Variants in PLPPR5 observed in about 807,000 individuals in gnomAD.
The protein encoded by PLPPR5 is phospholipid phosphatase related 5.
A neutral mutation model predicts 33.9 loss-of-function variants in PLPPR5; 16 were observed. The ratio of observed to expected loss-of-function variants is 0.47; its 90% CI spans 0.32 to 0.72. The LOEUF (loss-of-function observed/expected upper bound fraction) is 0.72, where lower values mean the gene tolerates loss of function less well. PLPPR5 is among the 30% of genes least tolerant of loss of function. The pLI is 0.03. For synonymous variants in PLPPR5, 163 were observed against 150.3 expected (o/e 1.08, Z -0.62); for missense variants, 301 against 406.7 (o/e 0.74, Z 2.23).
chr1:98,983,163 T>G (rs2100753763), intron 1 of PLPPR5, among the ~76,000 whole-genome samples: 1 of 151,570 alleles, frequency 6.6e-6, no homozygotes, highest in African/African-American at 2.4e-5. Flanking sequence ...TGTCAACATG[T>G]GCCATGCTGG....
At chr1:98,940,254 T>C (rs1355533885) in intron 3 of PLPPR5, among the ~76,000 whole-genome samples, 1 of 151,790 alleles carries the variant, frequency 6.6e-6, no homozygotes, top group African/African-American at 2.4e-5. Context: ...CTATGTGGCT[T>C]GCAGATGCTG....
chr1:98,940,702 C>A (rs1262032738), intron 3 of PLPPR5, among the ~76,000 whole-genome samples: 1 of 151,766 alleles, frequency 6.6e-6, no homozygotes, highest in African/African-American at 2.4e-5. Flanking sequence ...TGGAGATGAT[C>A]CTGCAATAGT....
Position 98,892,678 on chromosome 1 carries a change from A to C in PLPPR5, c.*394T>G, listed in dbSNP as rs139134720. The stretch of plus-strand genomic sequence containing the variant: ...ACTGCTGAATAGATATATGAAGATT[A>C]AAAAAATAACTAGCCCAAAATAGAA... On this transcript the variant is annotated 3_prime_UTR_variant, in exon 6 of 6. Transcript: ENST00000263177. The C allele has an allele frequency of 9.8e-4, 166 of 170,102 alleles. 3 individuals carry two copies. The East Asian group carries it at 0.024, about 25-fold the overall frequency. The allele number at this position is 170,102 out of a possible 1,614,324, so 10.5% of individuals were successfully genotyped here.
chr1:98,965,227 C>T (rs1651394892), intron 1 of PLPPR5, among the ~76,000 whole-genome samples: 2 of 152,252 alleles, frequency 1.3e-5, no homozygotes, highest in African/African-American at 2.4e-5. Context: ...AAGAGATCTG[C>T]TCCTGAACCC....
intron 5 of PLPPR5, 131 bp from the exon 6 acceptor site, chr1:98,893,235 A>C: frequency 1.5e-4 from 109 of 721,462 alleles, no homozygotes; most frequent in Non-Finnish European, 8.6e-6. Flanking sequence ...CAGCATTATT[A>C]AACTAAGTTT....
intron 3 of PLPPR5, among the ~76,000 whole-genome samples, chr1:98,945,052 T>C (rs763939645): frequency 1.3e-5 from 2 of 152,190 alleles, no homozygotes; most frequent in Non-Finnish European, 2.9e-5. Context: ...TTACCTACCA[T>C]GGAGTTCTAC....
chr1:98,975,287 T>C (rs1304295375), intron 1 of PLPPR5, among the ~76,000 whole-genome samples: 1 of 152,106 alleles, frequency 6.6e-6, no homozygotes. Flanking sequence ...TAGGTTTTTG[T>C]GTCCAATCCC....
chr1:98,981,497 C>CA (rs1652063269), intron 1 of PLPPR5, among the ~76,000 whole-genome samples: 1 of 151,996 alleles, frequency 6.6e-6, no homozygotes, highest in Non-Finnish European at 1.5e-5. Context: ...CCTTCTCTTT[C>CA]ATGATTGCCT....
chr1:98,978,307 A>G (rs764786181), intron 1 of PLPPR5, among the ~76,000 whole-genome samples: 3 of 152,014 alleles, frequency 2.0e-5, no homozygotes, highest in African/African-American at 7.2e-5. Flanking sequence ...CTACATTTTC[A>G]ATTGGTCTCG....
intron 3 of PLPPR5, among the ~76,000 whole-genome samples, chr1:98,945,043 T>C (rs1381406752): frequency 1.3e-5 from 2 of 152,218 alleles, no homozygotes; most frequent in East Asian, 3.9e-4. Flanking sequence ...AAAGTGATAT[T>C]ACCTACCATG....
At chr1:98,937,755 T>G (rs563782291) in intron 3 of PLPPR5, among the ~76,000 whole-genome samples, 24 of 152,354 alleles carry the variant, frequency 1.6e-4, no homozygotes, top group African/African-American at 5.8e-4. Context: ...TTTGCCTTTT[T>G]CACATATCTG....
At chr1:98,943,808 G>A (rs1395826073) in intron 3 of PLPPR5, among the ~76,000 whole-genome samples, 1 of 152,196 alleles carries the variant, frequency 6.6e-6, no homozygotes, top group African/African-American at 2.4e-5. Flanking sequence ...GATCCTGAAG[G>A]ATAAGTGTAG....
At chr1:98,895,760 T>G (rs941468984) in intron 5 of PLPPR5, among the ~76,000 whole-genome samples, 1 of 152,042 alleles carries the variant, frequency 6.6e-6, no homozygotes, top group Admixed American at 6.6e-5. Flanking sequence ...GCTTTCATTT[T>G]TTTCTATTTG....
At chr1:98,954,089 A>C (rs1336122006) in intron 2 of PLPPR5, among the ~76,000 whole-genome samples, 2 of 152,194 alleles carry the variant, frequency 1.3e-5, no homozygotes, top group African/African-American at 4.8e-5. Flanking sequence ...TATAGAACTA[A>C]GTGTGTAGAT....
chr1:98,954,490 C>T (rs1444218283), intron 2 of PLPPR5, among the ~76,000 whole-genome samples: 2 of 151,992 alleles, frequency 1.3e-5, no homozygotes, highest in Admixed American at 6.6e-5. Flanking sequence ...TAGTATATCA[C>T]CATAAAAGTT....
rs74587454 is a variant in PLPPR5 at position 99,002,592 on chromosome 1, T to C, written c.237+1843A>G. ...GACTATGACTATTCGGTACCCAAAA[T>C]AGAGTAGGCACTAAATAGTGACTAA... On this transcript the variant is annotated intron_variant, in intron 1 of 5. Transcript: ENST00000263177. Among the ~76,000 whole-genome samples, 1,072 of 152,204 alleles carry C rather than the reference T, an allele frequency of 7.0e-3. 52 individuals carry two copies. In the East Asian group the frequency reaches 0.14, roughly 20 times the overall value.
rs140477396 is a variant in PLPPR5 at position 98,925,576 on chromosome 1, T to C, written c.622-3518A>G. Among the ~76,000 whole-genome samples, 113 of 152,360 alleles carry C rather than the reference T, an allele frequency of 7.4e-4. 1 individual carries two copies. Among genetic ancestry groups the C allele is most frequent in the Non-Finnish European group, 1.2e-3 (82 of 68,036 alleles). On this transcript the variant is annotated intron_variant, in intron 3 of 5. Transcript: ENST00000263177. ...TTACTAAAATATAATCATAATGTCC[T>C]ATTAGTCTGTAATATGCATTGACTC...
intron 3 of PLPPR5, among the ~76,000 whole-genome samples, chr1:98,931,304 A>AGTTAAAC (rs5776442): frequency 6.6e-6 from 1 of 151,142 alleles, no homozygotes; most frequent in Non-Finnish European, 1.5e-5. Flanking sequence ...TCATAATAAA[A>AGTTAAAC]TTTCATGAAT....
intron 1 of PLPPR5, among the ~76,000 whole-genome samples, chr1:98,980,074 C>T (rs1235107282): frequency 2.0e-5 from 3 of 152,016 alleles, no homozygotes; most frequent in African/African-American, 7.2e-5. Flanking sequence ...TCTCTATAAC[C>T]AAACCCACCT....
Sources: gnomAD v4.1 joint callset for allele counts (sites outside exome capture counted in the v4.1 genomes callset) on GRCh38, gnomAD v4.1.1 for gene constraint, MANE v1.5 for transcripts, NCBI Gene and HGNC (gene_info 2026-07-23, HGNC 2026-07-21) for gene names.